TRPM3: variants seen among roughly 807,000 people sequenced by gnomAD.
TRPM3 encodes long transient receptor potential channel 3.
In TRPM3, 77 loss-of-function variants were observed where a neutral mutation model predicts 181.2. The ratio of observed to expected loss-of-function variants is 0.42; its 90% CI spans 0.35 to 0.51. The LOEUF (loss-of-function observed/expected upper bound fraction) is 0.51, where lower values mean the gene tolerates loss of function less well. TRPM3 is among the 20% of genes least tolerant of loss of function. The probability of loss-of-function intolerance (pLI) is 0.01; values close to 1 mark genes in which losing one functional copy is unlikely to be tolerated. For missense variants in TRPM3, 1,759 were observed against 2,196.7 expected, an observed-to-expected ratio of 0.80 and a Z score of 3.98; for synonymous variants, 745 against 796.4, an observed-to-expected ratio of 0.94 and a Z score of 1.09.
intron 6 of TRPM3, among the ~76,000 whole-genome samples, chr9:70,808,651 G>C (rs886995508): frequency 3.3e-5 from 5 of 152,168 alleles, no homozygotes. Context: ...GATATAGATT[G>C]TGTTGTTTAT....
At chr9:70,971,997 A>G (rs1328388451) in intron 1 of TRPM3, among the ~76,000 whole-genome samples, 1 of 152,198 alleles carries the variant, frequency 6.6e-6, no homozygotes, top group African/African-American at 2.4e-5. Flanking sequence ...GTGGGAATAC[A>G]TAATGGTTTA....
At chr9:70,764,397 A>G (rs1374783893) in intron 7 of TRPM3, among the ~76,000 whole-genome samples, 1 of 152,202 alleles carries the variant, frequency 6.6e-6, no homozygotes, top group Non-Finnish European at 1.5e-5. Context: ...TTTTGATAAC[A>G]ACTCAAAATT....
At chr9:71,143,711 G>A (rs920593581) in intron 1 of TRPM3, among the ~76,000 whole-genome samples, 5 of 152,136 alleles carry the variant, frequency 3.3e-5, no homozygotes, top group African/African-American at 1.2e-4. Context: ...ACCCAGTAAT[G>A]GGATTGCTGG....
chr9:70,802,773 T>C (rs904384489), intron 6 of TRPM3, among the ~76,000 whole-genome samples: 10 of 152,138 alleles, frequency 6.6e-5, no homozygotes, highest in African/African-American at 2.4e-4. Flanking sequence ...CCTATTTTAA[T>C]AGGGATTTCA....
intron 1 of TRPM3, among the ~76,000 whole-genome samples, chr9:71,168,809 G>C (rs1196271548): frequency 6.6e-6 from 1 of 151,636 alleles, no homozygotes; most frequent in Non-Finnish European, 1.5e-5. Context: ...ACTTAAATGA[G>C]TGAGGATACC....
At chr9:71,267,412 C>T (rs1208745409) in intron 1 of TRPM3, among the ~76,000 whole-genome samples, 2 of 152,248 alleles carry the variant, frequency 1.3e-5, no homozygotes, top group African/African-American at 4.8e-5. Context: ...AGTGGCTGCC[C>T]ATAGGGAGCA....
chr9:71,049,653 A>G (rs1434519460), intron 1 of TRPM3, among the ~76,000 whole-genome samples: 1 of 152,124 alleles, frequency 6.6e-6, no homozygotes. Flanking sequence ...AGGTCCCTGG[A>G]AGCAATTGAC....
intron 1 of TRPM3, among the ~76,000 whole-genome samples, chr9:70,876,534 A>G (rs1175579891): frequency 6.6e-5 from 10 of 151,762 alleles, no homozygotes; most frequent in African/African-American, 2.2e-4. Flanking sequence ...TCTGATAGAC[A>G]TTATAAAAAT....
At chr9:71,350,423 G>T (rs1002748898) in intron 1 of TRPM3, among the ~76,000 whole-genome samples, 2 of 152,118 alleles carry the variant, frequency 1.3e-5, no homozygotes, top group African/African-American at 4.8e-5. Context: ...ATTCTAAACT[G>T]CAAAAAAATC....
At chr9:70,911,143 C>T (rs185923651) in intron 1 of TRPM3, among the ~76,000 whole-genome samples, 4 of 152,308 alleles carry the variant, frequency 2.6e-5, no homozygotes, top group Non-Finnish European at 5.9e-5. Flanking sequence ...ATCTTAATAA[C>T]ATGCAGCATT....
At chr9:70,772,220 T>C (rs2080427704) in intron 7 of TRPM3, among the ~76,000 whole-genome samples, 1 of 152,126 alleles carries the variant, frequency 6.6e-6, no homozygotes, top group East Asian at 1.9e-4. Flanking sequence ...TGAAATGAAA[T>C]TTAAAATTCA....
At chr9:70,804,781 C>T (rs2090252015) in intron 6 of TRPM3, among the ~76,000 whole-genome samples, 2 of 152,144 alleles carry the variant, frequency 1.3e-5, no homozygotes, top group African/African-American at 2.4e-5. Flanking sequence ...TCCCTTTCTG[C>T]CTTCTCTTCT....
intron 5 of TRPM3, among the ~76,000 whole-genome samples, chr9:70,836,286 A>G (rs2094315264): frequency 6.6e-6 from 1 of 151,992 alleles, no homozygotes; most frequent in African/African-American, 2.4e-5. Context: ...CCTTTCTGCT[A>G]TCAGCACATA....
intron 1 of TRPM3, among the ~76,000 whole-genome samples, chr9:71,351,420 T>C (rs988748348): frequency 4.6e-5 from 7 of 152,154 alleles, no homozygotes; most frequent in African/African-American, 1.4e-4. Context: ...TAGATGATAA[T>C]TGAAAAGAAG....
chr9:71,378,297 C>T (rs1216364909), intron 1 of TRPM3, among the ~76,000 whole-genome samples: 3 of 151,958 alleles, frequency 2.0e-5, no homozygotes, highest in African/African-American at 7.2e-5. Context: ...TTGGAAAAGA[C>T]CAAAAATACC....
At chr9:70,550,434 T>C (rs545196095) in intron 24 of TRPM3, among the ~76,000 whole-genome samples, 3 of 152,348 alleles carry the variant, frequency 2.0e-5, no homozygotes, top group African/African-American at 7.2e-5. Context: ...TGAGCCATTG[T>C]TGAGCTCTGG....
chr9:70,864,954 G>A (rs545300652), intron 1 of TRPM3, among the ~76,000 whole-genome samples: 3 of 147,718 alleles, frequency 2.0e-5, no homozygotes, highest in Admixed American at 6.9e-5. Context: ...CCTTGTAGAA[G>A]GAAAGAAAAA....
At chr9:71,210,962 T>C (rs72733832) in intron 1 of TRPM3, among the ~76,000 whole-genome samples, 12,764 of 152,228 alleles carry the variant, frequency 0.084, 645 homozygotes, top group Non-Finnish European at 0.11. Flanking sequence ...ACCAGCTCAA[T>C]TGGATTAGGG....
intron 25 of TRPM3, among the ~76,000 whole-genome samples, chr9:70,547,187 TC>T (rs1313412822): frequency 1.3e-5 from 2 of 152,164 alleles, no homozygotes; most frequent in African/African-American, 4.8e-5. Context: ...ATTGGGGTTA[TC>T]TAATATGAAT....
Sources: allele counts gnomAD v4.1 joint callset (sites outside exome capture counted in the v4.1 genomes callset), GRCh38; gene constraint gnomAD v4.1.1; transcripts MANE v1.5; gene names NCBI Gene and HGNC (gene_info 2026-07-23, HGNC 2026-07-21).